Variants in EPC1 observed in about 807,000 individuals in gnomAD.
The protein encoded by EPC1 is enhancer of polycomb homolog 1.
In EPC1, 12 loss-of-function variants were observed where a neutral mutation model predicts 98.4. The ratio of observed to expected loss-of-function variants is 0.12; its 90% confidence interval spans 0.08 to 0.20. EPC1 has a LOEUF of 0.20. EPC1 is among the 10% of genes least tolerant of loss of function. EPC1 has a pLI of 1.00. For missense variants in EPC1, 729 were observed against 990.5 expected (o/e 0.74, Z 3.54); for synonymous variants, 357 against 363.9 (o/e 0.98, Z 0.21).
intron 2 of EPC1, among the ~76,000 whole-genome samples, chr10:32,300,359 A>AG (rs199973858): frequency 0.043 from 6,541 of 151,242 alleles, 194 homozygotes; most frequent in Non-Finnish European, 0.061. Context: ...CTCGTCATTT[A>AG]CATTAGGCAT....
intron 1 of EPC1, among the ~76,000 whole-genome samples, chr10:32,315,070 C>T (rs776198199): frequency 6.6e-6 from 1 of 152,192 alleles, no homozygotes; most frequent in Non-Finnish European, 1.5e-5. Flanking sequence ...AGAGTAGAGA[C>T]GATGTCTAAT....
At chr10:32,291,359 A>T (rs1291646071) in intron 5 of EPC1, 37 bp from the exon 6 acceptor site, 2 of 1,473,726 alleles carry the variant, frequency 1.4e-6, no homozygotes, top group Middle Eastern at 4.3e-4. Context: ...AATTATATAT[A>T]TTTAAGGAAT....
chr10:32,314,573 A>T (rs934553822), intron 1 of EPC1, among the ~76,000 whole-genome samples: 1 of 152,182 alleles, frequency 6.6e-6, no homozygotes, highest in Non-Finnish European at 1.5e-5. Flanking sequence ...CCAGCAGGAA[A>T]TGCTCCCTTT....
intron 1 of EPC1, among the ~76,000 whole-genome samples, chr10:32,337,962 C>A (rs556277264): frequency 3.9e-5 from 6 of 152,292 alleles, no homozygotes; most frequent in African/African-American, 1.4e-4. Context: ...TGAAGAAAAT[C>A]TTTTCAGTAG....
intron 6 of EPC1, among the ~76,000 whole-genome samples, chr10:32,289,870 T>C (rs567146241): frequency 2.0e-5 from 3 of 152,094 alleles, no homozygotes; most frequent in African/African-American, 7.2e-5. Flanking sequence ...GTGATCCGCC[T>C]GCCTCGGCTT....
chr10:32,292,475 C>T (rs773094044), intron 5 of EPC1, 21 bp downstream of exon 5: 11 of 1,520,248 alleles, frequency 7.2e-6, no homozygotes, highest in African/African-American at 2.8e-5. Context: ...CTTCCTCTAA[C>T]ATTATTAAAA....
intron 1 of EPC1, among the ~76,000 whole-genome samples, chr10:32,319,230 C>T (rs1382132328): frequency 6.6e-6 from 1 of 152,138 alleles, no homozygotes; most frequent in Non-Finnish European, 1.5e-5. Flanking sequence ...AAAGATTCAA[C>T]TGAAGTCTTT....
At position 32,278,694 on chromosome 10, in the gene EPC1, C is replaced by T. The variant is rs12266196; in HGVS notation, c.1745-5413G>A. 6.9e-3 allele frequency among the ~76,000 whole-genome samples: 1,050 copies of T among 152,266 alleles called. 20 individuals carry two copies. The highest frequency in any genetic ancestry group is 0.024 in the African/African-American group (1,016 of 41,534). ...CCTGAATTAGAAATTTCTTTTAGTA[C>T]ACAGGCCAAACATTATTTTAATATA... On this transcript the variant is annotated intron_variant, in intron 10 of 13. Coordinates refer to ENST00000319778, the MANE Select transcript of EPC1 (RefSeq NM_001272004.3).
At position 32,271,717 on chromosome 10, in the gene EPC1, C is replaced by T. The variant is rs1835852534; in HGVS notation, c.2206G>A (p.Val736Ile). 2.5e-6 allele frequency: 4 copies of T among 1,614,042 alleles called. No individual in the cohort carries two copies. The highest frequency in any genetic ancestry group is 2.2e-5 in the East Asian group (1 of 44,886). The part of the protein sequence containing the change: ...VLIGNNIRLT[V>I]PSSVATVNSI... ...TTTACAGTGGCAACTGATGAAGGTA[C>T]AGTTAATCGAATGTTGTTCCCAATC... is the stretch of plus-strand genomic sequence containing the variant. Residue 736 changes from valine (V) to isoleucine (I), a missense_variant, in exon 13 of 14, where the codon GTA (valine) becomes ATA (isoleucine). By Grantham distance (29) the Val-to-Ile change is conservative. This residue lies in a region of EPC1 where 156 missense variants were observed against 188.9 expected (regional missense o/e 0.83). Coordinates refer to ENST00000319778, the MANE Select transcript of EPC1 (RefSeq NM_001272004.3).
At chr10:32,313,464 A>G (rs1408451523) in intron 1 of EPC1, among the ~76,000 whole-genome samples, 1 of 152,258 alleles carries the variant, frequency 6.6e-6, no homozygotes, top group African/African-American at 2.4e-5. Context: ...ATAAAGTACT[A>G]TGAAGGAAAA....
At chr10:32,341,945 T>G (rs1478340667) in intron 1 of EPC1, among the ~76,000 whole-genome samples, 1 of 152,220 alleles carries the variant, frequency 6.6e-6, no homozygotes, top group Non-Finnish European at 1.5e-5. Flanking sequence ...ATTCTAACAT[T>G]TTATAGGCAT....
intron 2 of EPC1, among the ~76,000 whole-genome samples, chr10:32,304,588 GTCC>G (rs1835761824): frequency 6.6e-6 from 1 of 152,136 alleles, no homozygotes; most frequent in Non-Finnish European, 1.5e-5. Context: ...GGTTTACGCT[GTCC>G]TAAAGAAAAA....
chr10:32,347,326 C>T (rs1366377900), upstream of EPC1: 9 of 465,628 alleles, frequency 1.9e-5, no homozygotes, highest in African/African-American at 1.1e-4. Flanking sequence ...CTGCTCCGGG[C>T]CCCCGCCCTT....
chr10:32,277,421 A>G (rs1836159931), intron 10 of EPC1, among the ~76,000 whole-genome samples: 2 of 152,334 alleles, frequency 1.3e-5, no homozygotes, highest in South Asian at 4.1e-4. Flanking sequence ...TTTTTGGTTC[A>G]ATACATAGAC....
At chr10:32,309,277 G>A (rs1191355770) in intron 1 of EPC1, among the ~76,000 whole-genome samples, 1 of 152,108 alleles carries the variant, frequency 6.6e-6, no homozygotes, top group African/African-American at 2.4e-5. Flanking sequence ...TAGAAGAGTA[G>A]AATTGGAAAG....
At chr10:32,313,616 C>T (rs1207702018) in intron 1 of EPC1, among the ~76,000 whole-genome samples, 6 of 152,240 alleles carry the variant, frequency 3.9e-5, no homozygotes, top group African/African-American at 7.2e-5. Context: ...ACAGGCTGGG[C>T]GCGGTGGCTC....
rs547887652 is a variant in EPC1, at chr10:32,364,110, G to C, written c.3+14381C>G. ...GCTCACTGCAACCTCTGTGTCCCGG[G>C]TTCAAGTGATTCTCCTGTCTTAGCC... On this transcript the variant is annotated intron_variant, in intron 1 of 13. Coordinates refer to the EPC1 transcript ENST00000375110. Among the ~76,000 whole-genome samples, 125 of 144,542 alleles carry C rather than the reference G, an allele frequency of 8.6e-4. 2 individuals carry two copies. The highest frequency in any genetic ancestry group is 3.7e-4 in the Non-Finnish European group (25 of 67,050). The allele number at this position is 144,542 out of a possible 152,430, so 94.8% of individuals were successfully genotyped here. A position where few individuals can be genotyped will look rare whatever the true frequency, so the allele number is the denominator to read the frequency against.
chr10:32,306,368 T>C lies in EPC1; in HGVS notation c.154-437A>G, dbSNP rs144025043. Among the ~76,000 whole-genome samples the C allele has an allele frequency of 4.0e-3, 613 of 152,340 alleles. 7 individuals are homozygous for C. Among genetic ancestry groups the C allele is most frequent in the African/African-American group, 0.014 (581 of 41,580 alleles). ...AGAAGGTATTTGAATACAAATCAAC[T>C]AAATATGGTTTCTTCAAAGAAGGGC... On this transcript the variant is annotated intron_variant, in intron 1 of 13. Transcript: ENST00000319778.
chr10:32,356,171 A>C (rs1839271671), intron 1 of EPC1, among the ~76,000 whole-genome samples: 2 of 152,196 alleles, frequency 1.3e-5, no homozygotes, highest in South Asian at 4.1e-4. Context: ...TTATAACACG[A>C]GGAAGGAAAT....
Sources: allele counts gnomAD v4.1 joint callset (sites outside exome capture counted in the v4.1 genomes callset), GRCh38; gene constraint gnomAD v4.1.1; regional missense constraint gnomAD v4.1.1; transcripts MANE v1.5; gene names NCBI Gene and HGNC (gene_info 2026-07-23, HGNC 2026-07-21).